Variants in CABIN1 observed in about 807,000 individuals in gnomAD.
CABIN1 encodes the protein calcineurin-binding protein cabin-1.
Under a neutral mutation model 227.7 loss-of-function variants are expected in CABIN1, and 133 were observed. That is an observed-to-expected ratio of 0.58 (90% CI 0.51 to 0.67). The LOEUF (loss-of-function observed/expected upper bound fraction) is 0.67, where lower values mean the gene tolerates loss of function less well. Among genes scored for constraint, CABIN1 ranks in the 30% least tolerant of loss-of-function variants. The pLI is 0.00. For synonymous variants in CABIN1, 1,086 were observed against 1,155.1 expected, an observed-to-expected ratio of 0.94 and a Z score of 1.21; for missense variants, 2,408 against 2,852.5, an observed-to-expected ratio of 0.84 and a Z score of 3.55.
rs763069360 is a variant in CABIN1 at position 24,119,421 on chromosome 22, G to A, written c.4355G>A (p.Gly1452Asp). The A allele has an allele frequency of 2.5e-6, 4 of 1,614,100 alleles. No homozygotes were observed. Among genetic ancestry groups the A allele is most frequent in the Non-Finnish European group, 1.7e-6 (2 of 1,180,028 alleles). Residue 1452 changes from glycine (G) to aspartate (D), a missense_variant, in exon 28 of 37, where the codon GGT (glycine) becomes GAT (aspartate). Around this residue, in one of 3 missense-constraint regions of CABIN1, gnomAD observed 649 missense variants for 910.3 expected, o/e 0.71. Transcript: ENST00000263119. ...GAAGGCTTCCGGGCTGCAGAGCAAG[G>A]TGTCCAGAAGCCTGCTGCAGAAACC... ...STEGFRAAEQ[G>D]VQKPAAETPA...
chr22:24,021,509 G>T (rs1436636016), intron 1 of CABIN1, among the ~76,000 whole-genome samples: 1 of 151,996 alleles, frequency 6.6e-6, no homozygotes, highest in Admixed American at 6.5e-5. Flanking sequence ...AAGAGATGGG[G>T]TCTTGCTGTG....
chr22:24,099,361 T>C (rs2042078018), intron 26 of CABIN1, among the ~76,000 whole-genome samples: 1 of 152,164 alleles, frequency 6.6e-6, no homozygotes, highest in African/African-American at 2.4e-5. Flanking sequence ...ACCTGCAGTG[T>C]CCCCTCCTGG....
Position 24,087,624 on chromosome 22 carries a change from T to G in CABIN1, c.3436T>G (p.Tyr1146Asp), listed in dbSNP as rs2147134967. 1 of 1,614,150 alleles carries G rather than the reference T, an allele frequency of 6.2e-7. No individual in the cohort carries two copies. The highest frequency in any genetic ancestry group is 8.5e-7 in the Non-Finnish European group (1 of 1,180,020). ...DSSNLSLWIE[Y>D]GTMSYALHSF... ...CTCCAACTTGTCCCTATGGATTGAG[T>G]ATGGCACCATGTCCTATGCCTTGCA... Residue 1146 changes from tyrosine to aspartate, a missense_variant, in exon 23 of 37, where the codon TAT (tyrosine) becomes GAT (aspartate). Coordinates refer to ENST00000263119, the MANE Select transcript of CABIN1 (RefSeq NM_012295.4).
At chr22:24,174,112 T>C (rs1402246363) in intron 34 of CABIN1, among the ~76,000 whole-genome samples, 1 of 151,828 alleles carries the variant, frequency 6.6e-6, no homozygotes, top group Non-Finnish European at 1.5e-5. Context: ...CCCAAAGTGC[T>C]GGGATTACAG....
chr22:24,155,316 G>A (rs971474076), intron 29 of CABIN1, among the ~76,000 whole-genome samples: 7 of 152,132 alleles, frequency 4.6e-5, no homozygotes, highest in Admixed American at 3.3e-4. Context: ...CCAGGCCGGA[G>A]AGCGACCCTC....
At position 24,083,340 on chromosome 22, in the gene CABIN1, C is replaced by G. The variant is rs2040937943; in HGVS notation, c.2861C>G (p.Pro954Arg). ...TGCTTCTACTGCCTGTACAGCTTCCCCAGCAAGAAGAGTAAGGCCAGGTAC... is the reference window on the plus strand; with the variant it reads ...TGCTTCTACTGCCTGTACAGCTTCCGCAGCAAGAAGAGTAAGGCCAGGTAC... ...EQCFYCLYSF[P>R]SKKSKARYLE... Residue 954 changes from proline (P) to arginine (R), a missense_variant, in exon 20 of 37, where the codon CCC becomes CGC. Pro to Arg is a moderately radical substitution (Grantham distance 103). Coordinates refer to ENST00000263119, the MANE Select transcript of CABIN1 (RefSeq NM_012295.4). 6.2e-7 allele frequency: 1 copy of G among 1,613,940 alleles called. No homozygotes were observed. Among genetic ancestry groups the G allele is most frequent in the Non-Finnish European group, 8.5e-7 (1 of 1,180,030 alleles).
At position 24,055,191 on chromosome 22, in the gene CABIN1, G is replaced by C. The variant is rs759301838; in HGVS notation, c.1093+32G>C. ...AGGCCCCCTGAATTTGGCTTCCGGGGAGACCCCGTTCACTGAGCCCAGCAG... is the reference window on the plus strand; with the variant it reads ...AGGCCCCCTGAATTTGGCTTCCGGGCAGACCCCGTTCACTGAGCCCAGCAG... On this transcript the variant is annotated intron_variant, in intron 9 of 36. Transcript: ENST00000263119. 3.7e-6 allele frequency: 6 copies of C among 1,602,586 alleles called. No homozygotes were observed. The East Asian group carries it at 1.1e-4, about 30-fold the overall frequency.
intron 28 of CABIN1, among the ~76,000 whole-genome samples, chr22:24,126,823 A>C (rs2043754087): frequency 1.3e-5 from 2 of 151,658 alleles, no homozygotes; most frequent in African/African-American, 2.4e-5. Flanking sequence ...ACATGGCAAA[A>C]CCCCGTCTCA....
rs78071998 is a variant in CABIN1, at chr22:24,074,502, G to A, written c.2633-1667G>A. On this transcript the variant is annotated intron_variant, in intron 18 of 36. Transcript: ENST00000263119. Reference sequence around the variant, plus strand: ...TCATTTGTGGAGAGTGGCATGAGGGGAAACCTCCTCCATCCCACCCTTGGC... The same window carrying A: ...TCATTTGTGGAGAGTGGCATGAGGGAAAACCTCCTCCATCCCACCCTTGGC... Among the ~76,000 whole-genome samples, 474 of 152,270 alleles carry A rather than the reference G, an allele frequency of 3.1e-3. 17 individuals are homozygous for A. The East Asian group carries it at 0.073, about 24-fold the overall frequency.
At chr22:24,019,095 A>G (rs1361219318) in intron 1 of CABIN1, among the ~76,000 whole-genome samples, 2 of 97,354 alleles carry the variant, frequency 2.1e-5, no homozygotes, top group East Asian at 5.9e-4. Context: ...TATTAATCTT[A>G]TATTGTGCAA....
At chr22:24,175,706 G>A in intron 34 of CABIN1, 1 of 319,578 alleles carries the variant, frequency 3.1e-6, no homozygotes, top group Non-Finnish European at 6.1e-6. Context: ...TAGTTGGGTT[G>A]TTTGGATTTT....
At chr22:24,134,499 G>GCT (rs2148198211) in intron 29 of CABIN1, 84 bp downstream of exon 29, 1 of 1,130,902 alleles carries the variant, frequency 8.8e-7, no homozygotes, top group African/African-American at 1.5e-5. Flanking sequence ...CCCCTAGGTG[G>GCT]GTGTTCCCAG....
chr22:24,152,972 C>T (rs1253325380), intron 29 of CABIN1, among the ~76,000 whole-genome samples: 3 of 151,756 alleles, frequency 2.0e-5, no homozygotes, highest in Non-Finnish European at 4.4e-5. Context: ...GAGAAATCTA[C>T]AGGTCTGCAC....
intron 8 of CABIN1, among the ~76,000 whole-genome samples, chr22:24,052,452 A>G (rs909300011): frequency 1.5e-4 from 21 of 136,720 alleles, no homozygotes; most frequent in African/African-American, 5.3e-4. Context: ...TATGTTGTAT[A>G]TTTTCTTCTT....
intron 25 of CABIN1, among the ~76,000 whole-genome samples, 188 bp downstream of exon 25, chr22:24,096,270 G>A (rs2041887674): frequency 6.6e-6 from 1 of 152,212 alleles, no homozygotes; most frequent in Admixed American, 6.5e-5. Context: ...AGTCTGAGAA[G>A]GAGAGGGTGA....
intron 17 of CABIN1, chr22:24,071,262 C>T (rs761600232): frequency 2.1e-4 from 130 of 617,116 alleles, no homozygotes; most frequent in Middle Eastern, 4.4e-4. Context: ...CTGTGTAGCA[C>T]TTGGTGCCAT....
At chr22:24,012,171 G>A (rs1293943809) in intron 1 of CABIN1, among the ~76,000 whole-genome samples, 1 of 152,118 alleles carries the variant, frequency 6.6e-6, no homozygotes, top group African/African-American at 2.4e-5. Flanking sequence ...GGCTTGGGGG[G>A]TCCATACTCT....
chr22:24,124,957 C>T (rs2043629164), intron 28 of CABIN1, among the ~76,000 whole-genome samples: 1 of 152,264 alleles, frequency 6.6e-6, no homozygotes, highest in Non-Finnish European at 1.5e-5. Context: ...TACTACAAAT[C>T]TATAATATAC....
At chr22:24,145,109 C>T (rs1257643489) in intron 29 of CABIN1, among the ~76,000 whole-genome samples, 1 of 152,218 alleles carries the variant, frequency 6.6e-6, no homozygotes, top group Non-Finnish European at 1.5e-5. Context: ...GGGAGGGCCT[C>T]GCAGAGTTGC....
Sources: allele counts gnomAD v4.1 joint callset (sites outside exome capture counted in the v4.1 genomes callset), GRCh38; gene constraint gnomAD v4.1.1; regional missense constraint gnomAD v4.1.1; transcripts MANE v1.5; gene names NCBI Gene and HGNC (gene_info 2026-07-23, HGNC 2026-07-21).